Variants in TRIM42 observed in about 807,000 individuals in gnomAD.
TRIM42 encodes the protein tripartite motif-containing protein 42.
In TRIM42, 59 loss-of-function variants were observed where a neutral mutation model predicts 64.9. The ratio of observed to expected loss-of-function variants is 0.91; its 90% CI spans 0.74 to 1.13. The LOEUF (loss-of-function observed/expected upper bound fraction) is 1.13. Among genes scored for constraint, TRIM42 ranks in the 50% most tolerant of loss-of-function variants. TRIM42 has a pLI of 0.00. For missense variants in TRIM42, 878 were observed against 929.5 expected (o/e 0.94, Z 0.72); for synonymous variants, 354 against 346.3 (o/e 1.02, Z -0.25).
intron 4 of TRIM42, among the ~76,000 whole-genome samples, chr3:140,692,562 C>CACACACACACACACACACACGGAG (rs375439126): frequency 8.8e-6 from 1 of 114,118 alleles, no homozygotes; most frequent in Non-Finnish European, 1.9e-5. Context: ...CACACACACA[C>CACACACACACACACACACACGGAG]AGAGAGAGAT....
At chr3:140,681,784 G>A (rs1444869853) in intron 1 of TRIM42, among the ~76,000 whole-genome samples, 2 of 151,852 alleles carry the variant, frequency 1.3e-5, no homozygotes, top group Non-Finnish European at 2.9e-5. Flanking sequence ...CTCATGTTAG[G>A]TAAGGACACG....
chr3:140,692,530 T>TACACACACACACACAC (rs1553763786), intron 4 of TRIM42, among the ~76,000 whole-genome samples: 202 of 108,494 alleles, frequency 1.9e-3, no homozygotes, highest in African/African-American at 5.1e-3. Context: ...CACATACACA[T>TACACACACACACACAC]ACACACACAC....
chr3:140,681,160 C>G (rs1290498488), intron 1 of TRIM42, among the ~76,000 whole-genome samples: 1 of 152,182 alleles, frequency 6.6e-6, no homozygotes, highest in African/African-American at 2.4e-5. Context: ...TGAAATCAGC[C>G]TCAGGCATTA....
At chr3:140,687,631 G>A (rs528609247) in intron 2 of TRIM42, 91 bp from the exon 3 acceptor site, 378 of 938,652 alleles carry the variant, frequency 4.0e-4, no homozygotes, top group Non-Finnish European at 5.0e-4. Context: ...TCACCTCCTT[G>A]GAGCCTAGGG....
At position 140,688,459 on chromosome 3, in the gene TRIM42, T is replaced by G. The variant is rs761491858; in HGVS notation, c.1777T>G (p.Trp593Gly). 6.2e-7 allele frequency: 1 copy of G among 1,614,142 alleles called. No individual in the cohort carries two copies. The highest frequency in any genetic ancestry group is 8.5e-7 in the Non-Finnish European group (1 of 1,180,024). ...SVQNSSSFHNWYSFNDGSVKT... is the reference protein window; with the variant it reads ...SVQNSSSFHNGYSFNDGSVKT... The stretch of plus-strand genomic sequence containing the variant: ...ACAGAACAGCAGCAGCTTCCACAAC[T>G]GGTACTCATTCAACGATGGCTCTGT... The change falls in exon 3 of 5, where the codon TGG (tryptophan) becomes GGG (glycine). Residue 593 changes from tryptophan (W) to glycine (G), a missense_variant. Coordinates refer to ENST00000286349, the MANE Select transcript of TRIM42 (RefSeq NM_152616.5).
intron 4 of TRIM42, among the ~76,000 whole-genome samples, chr3:140,693,150 CTAAAT>C (rs1988765477): frequency 1.3e-5 from 2 of 152,204 alleles, no homozygotes; most frequent in South Asian, 2.1e-4. Context: ...TAAGGAATGT[CTAAAT>C]TAAAGAGTGA....
intron 3 of TRIM42, 80 bp from the exon 4 acceptor site, chr3:140,690,888 T>C (rs906190195): frequency 7.0e-5 from 85 of 1,206,024 alleles, no homozygotes; most frequent in Non-Finnish European, 9.1e-5. Context: ...CCACAGATAG[T>C]CAACATCACA....
chr3:140,693,400 G>A (rs568095532), intron 4 of TRIM42, among the ~76,000 whole-genome samples: 2 of 152,280 alleles, frequency 1.3e-5, no homozygotes, highest in South Asian at 4.1e-4. Flanking sequence ...TATCTGACTT[G>A]AGGAGCTGCA....
chr3:140,688,464 C>T lies in TRIM42; in HGVS notation c.1782C>T (p.Tyr594=), dbSNP rs1010654818. The T allele has an allele frequency of 5.0e-6, 8 of 1,614,208 alleles. No individual in the cohort carries two copies. Among genetic ancestry groups the T allele is most frequent in the South Asian group, 4.4e-5 (4 of 91,086 alleles). Residue 594 remains tyrosine, a synonymous_variant, in exon 3 of 5, where the codon TAC becomes TAT. Transcript: ENST00000286349. The stretch of plus-strand genomic sequence containing the variant: ...ACAGCAGCAGCTTCCACAACTGGTA[C>T]TCATTCAACGATGGCTCTGTGAAGA... ...VQNSSSFHNW[Y]SFNDGSVKTP...
chr3:140,700,887 G>A lies in TRIM42; in HGVS notation c.2086-1G>A. 6.2e-7 allele frequency: 1 copy of A among 1,614,018 alleles called. No individual in the cohort carries two copies. The highest frequency in any genetic ancestry group is 1.1e-5 in the South Asian group (1 of 91,070). Reference sequence around the variant, plus strand: ...TCATGACTCTTCGCTTCTGATTGCAGGTGGTAACACCAGATGGACATGGGA... The same window carrying A: ...TCATGACTCTTCGCTTCTGATTGCAAGTGGTAACACCAGATGGACATGGGA... On this transcript the variant is annotated splice_acceptor_variant, in intron 4 of 4. Coordinates refer to ENST00000286349, the MANE Select transcript of TRIM42 (RefSeq NM_152616.5). LOFTEE classifies it high-confidence loss of function.
At chr3:140,686,278 C>A (rs1988542871) in intron 2 of TRIM42, among the ~76,000 whole-genome samples, 1 of 152,160 alleles carries the variant, frequency 6.6e-6, no homozygotes. Context: ...TTGGGGAAGG[C>A]AAGAAGCACT....
rs370634097 is a variant in TRIM42 at position 140,688,100 on chromosome 3, A to C, written c.1418A>C (p.Asn473Thr). The C allele has an allele frequency of 2.1e-5, 34 of 1,613,802 alleles. No homozygotes were observed. The highest frequency in any genetic ancestry group is 4.0e-5 in the African/African-American group (3 of 74,888). The change falls in exon 3 of 5, where the codon AAC becomes ACC. Residue 473 changes from asparagine (N) to threonine (T), a missense_variant. Physicochemically the swap from Asn to Thr is moderately conservative, Grantham distance 65. Coordinates refer to ENST00000286349, the MANE Select transcript of TRIM42 (RefSeq NM_152616.5). ...PDPQLRLHSI[N>T]YVPLDFVELS... ...CCACAGCTCCGGCTGCACTCAATAA[A>C]CTACGTGCCCTTGGACTTTGTTGAG...
rs1988613627 is a variant in TRIM42, at chr3:140,688,364, C to T, written c.1682C>T (p.Ser561Leu). 1 of 1,614,174 alleles carries T rather than the reference C, an allele frequency of 6.2e-7. No homozygotes were observed. Among genetic ancestry groups the T allele is most frequent in the Non-Finnish European group, 8.5e-7 (1 of 1,180,014 alleles). The change falls in exon 3 of 5, where the codon TCA (serine) becomes TTA (leucine). Residue 561 changes from serine to leucine, a missense_variant. Transcript: ENST00000286349. ...VGLEACGRAQ[S>L]ATPAKPTDGL... ...CTGGAGGCCTGTGGGAGAGCCCAGT[C>T]AGCCACCCCCGCCAAACCCACAGAC...
intron 1 of TRIM42, among the ~76,000 whole-genome samples, chr3:140,680,408 A>G (rs762305638): frequency 6.6e-6 from 1 of 151,620 alleles, no homozygotes; most frequent in Non-Finnish European, 1.5e-5. Context: ...CACCCCTAAC[A>G]CAGCTCCCTA....
intron 3 of TRIM42, among the ~76,000 whole-genome samples, chr3:140,689,948 T>C (rs1988663379): frequency 6.6e-6 from 1 of 151,956 alleles, no homozygotes; most frequent in South Asian, 2.1e-4. Context: ...TGGAAAATAG[T>C]CACCCCATGC....
Position 140,688,086 on chromosome 3 carries a change from G to A in TRIM42, c.1404G>A (p.Arg468=). ...QTTYRPDPQL[R]LHSINYVPLD... is the part of the protein sequence containing the mutation. ...CCTACAGGCCTGACCCACAGCTCCGGCTGCACTCAATAAACTACGTGCCCT... is the reference window on the plus strand; with the variant it reads ...CCTACAGGCCTGACCCACAGCTCCGACTGCACTCAATAAACTACGTGCCCT... The change falls in exon 3 of 5, where the codon CGG becomes CGA. Residue 468 remains arginine, a synonymous_variant. Coordinates refer to ENST00000286349, the MANE Select transcript of TRIM42 (RefSeq NM_152616.5). 6.2e-7 allele frequency: 1 copy of A among 1,614,016 alleles called. No individual in the cohort carries two copies. Among genetic ancestry groups the A allele is most frequent in the Non-Finnish European group, 8.5e-7 (1 of 1,179,890 alleles).
chr3:140,688,371 C>A lies in TRIM42; in HGVS notation c.1689C>A (p.Thr563=). Residue 563 remains threonine, a synonymous_variant, in exon 3 of 5, where the codon ACC becomes ACA. Transcript: ENST00000286349. ...LEACGRAQSA[T]PAKPTDGLYT... is the part of the protein sequence containing the mutation. ...CCTGTGGGAGAGCCCAGTCAGCCAC[C>A]CCCGCCAAACCCACAGACGGCCTCT... 1 of 1,614,118 alleles carries A rather than the reference C, an allele frequency of 6.2e-7. No individual in the cohort carries two copies.
At chr3:140,697,784 C>G (rs148198670) in intron 4 of TRIM42, among the ~76,000 whole-genome samples, 1 of 152,092 alleles carries the variant, frequency 6.6e-6, no homozygotes, top group South Asian at 2.1e-4. Context: ...CCTGGGTTCA[C>G]GCCATTCTCC....
chr3:140,693,056 T>G lies in TRIM42; in HGVS notation c.2085+1864T>G, dbSNP rs555782288. ...TCATGGTTCTTTCTCCCACAGTGCT[T>G]ACCACAGCACTTTGCATATAGCTGG... is the stretch of plus-strand genomic sequence containing the variant. On this transcript the variant is annotated intron_variant, in intron 4 of 4. Coordinates refer to ENST00000286349, the MANE Select transcript of TRIM42 (RefSeq NM_152616.5). 9.8e-5 allele frequency among the ~76,000 whole-genome samples: 15 copies of G among 152,304 alleles called. 1 individual carries two copies. The South Asian group carries it at 2.7e-3, about 27-fold the overall frequency.
Sources: gnomAD v4.1 joint callset for allele counts (sites outside exome capture counted in the v4.1 genomes callset) on GRCh38, gnomAD v4.1.1 for gene constraint, MANE v1.5 for transcripts, NCBI Gene and HGNC (gene_info 2026-07-23, HGNC 2026-07-21) for gene names.